Variants in PVT1 observed in about 807,000 individuals in gnomAD.
The protein encoded by PVT1 is Pvt1 oncogene.
intron 2 of PVT1, among the ~76,000 whole-genome samples, chr8:127,843,085 G>A (rs948178446): frequency 1.3e-5 from 2 of 152,236 alleles, no homozygotes; most frequent in Non-Finnish European, 2.9e-5. Flanking sequence ...GCTGGGCACG[G>A]TGGCTCGTGC....
chr8:127,890,180 T>TGACC (rs1237071146), intron 2 of PVT1, among the ~76,000 whole-genome samples: 2 of 152,222 alleles, frequency 1.3e-5, no homozygotes, highest in African/African-American at 4.8e-5. Flanking sequence ...TCCTACCAGC[T>TGACC]GACCCTAAAC....
At position 128,077,392 on chromosome 8, in the gene PVT1, C is replaced by T. The variant is rs528546274; in HGVS notation, n.1114+7031C>T. Among the ~76,000 whole-genome samples, 3 of 152,316 alleles carry T rather than the reference C, an allele frequency of 2.0e-5. No homozygotes were observed. The East Asian group carries it at 5.8e-4, about 29-fold the overall frequency. ...TAGGTGACTAACCCTCTCCTAGCAT[C>T]TGCTTCCTAACCTGCTTGGGCTTCA... On this transcript the variant is annotated intron_variant and non_coding_transcript_variant, in intron 5 of 10. Coordinates refer to ENST00000651587, the Ensembl canonical transcript of PVT1.
intron 4 of PVT1, among the ~76,000 whole-genome samples, chr8:128,042,608 C>A (rs1813558450): frequency 2.0e-5 from 3 of 152,068 alleles, no homozygotes; most frequent in Admixed American, 2.0e-4. Flanking sequence ...GAGGAAGGGA[C>A]ACAGGTCTTT....
intron 3 of PVT1, among the ~76,000 whole-genome samples, chr8:127,940,915 C>G (rs1402571632): frequency 6.6e-6 from 1 of 152,216 alleles, no homozygotes; most frequent in East Asian, 1.9e-4. Context: ...GTCCAGTTAT[C>G]TAGGGCAGAG....
At chr8:127,897,385 C>T (rs1243944757) in intron 3 of PVT1, among the ~76,000 whole-genome samples, 4 of 151,974 alleles carry the variant, frequency 2.6e-5, no homozygotes, top group African/African-American at 7.3e-5. Context: ...AAATGATTCT[C>T]AGCTGTCCAT....
At position 128,053,412 on chromosome 8, in the gene PVT1, T is replaced by A. The variant is rs577005282; in HGVS notation, n.913-16748T>A. Among the ~76,000 whole-genome samples, 11 of 149,522 alleles carry A rather than the reference T, an allele frequency of 7.4e-5. No homozygotes were observed. In the East Asian group the frequency reaches 1.9e-3, roughly 26 times the overall value. ...ACATATATATGTATTTTATATATAT[T>A]GTATATATAATACCTATATATGTGT... On this transcript the variant is annotated intron_variant and non_coding_transcript_variant, in intron 4 of 10. Coordinates refer to ENST00000651587, the Ensembl canonical transcript of PVT1.
intron 3 of PVT1, among the ~76,000 whole-genome samples, chr8:127,901,334 G>A (rs1284214176): frequency 1.3e-5 from 2 of 152,136 alleles, no homozygotes; most frequent in Non-Finnish European, 1.5e-5. Flanking sequence ...AGAGGGGTGG[G>A]GGACCCAGAG....
At chr8:127,930,261 A>T (rs1323158875) in intron 3 of PVT1, among the ~76,000 whole-genome samples, 1 of 152,136 alleles carries the variant, frequency 6.6e-6, no homozygotes, top group Non-Finnish European at 1.5e-5. Flanking sequence ...AGTTCAAGCG[A>T]TTCTTGTGCC....
chr8:127,866,296 G>A (rs1586413175), intron 2 of PVT1, among the ~76,000 whole-genome samples: 1 of 152,164 alleles, frequency 6.6e-6, no homozygotes, highest in African/African-American at 2.4e-5. Flanking sequence ...CTCGTGAGCT[G>A]TCTGTGTAGG....
chr8:127,960,946 G>C lies in PVT1; in HGVS notation n.783-28216G>C, dbSNP rs1194398019. ...CTCTTGTGTGTGTGTTTGGGGGTGG[G>C]GGGGGCGGGCGGGCACGAATAGGGG... On this transcript the variant is annotated intron_variant and non_coding_transcript_variant, in intron 3 of 10. Coordinates refer to ENST00000651587, the Ensembl canonical transcript of PVT1. 1.6e-3 allele frequency among the ~76,000 whole-genome samples: 213 copies of C among 136,074 alleles called. 1 individual carries two copies. The highest frequency in any genetic ancestry group is 2.8e-3 in the African/African-American group (104 of 37,472). The allele number at this position is 136,074 out of a possible 152,430, so 89.3% of individuals were successfully genotyped here.
At chr8:128,050,741 A>G (rs1281747895) in intron 4 of PVT1, among the ~76,000 whole-genome samples, 1 of 152,174 alleles carries the variant, frequency 6.6e-6, no homozygotes, top group African/African-American at 2.4e-5. Flanking sequence ...TTCTTGTGAG[A>G]AGAACCTGTC....
intron 2 of PVT1, among the ~76,000 whole-genome samples, chr8:127,860,696 T>G (rs111503484): frequency 0.015 from 2,008 of 138,166 alleles, 51 homozygotes; most frequent in African/African-American, 0.052. Flanking sequence ...ACCCAGGAGG[T>G]GGAGGTTGTA....
intron 4 of PVT1, among the ~76,000 whole-genome samples, chr8:128,068,621 G>A (rs1171054661): frequency 6.7e-6 from 1 of 149,226 alleles, no homozygotes; most frequent in Non-Finnish European, 1.5e-5. Flanking sequence ...CTCAGCCCCT[G>A]AGAAGCTGGG....
chr8:128,008,943 G>A (rs1817280526), intron 4 of PVT1: 2 of 521,822 alleles, frequency 3.8e-6, no homozygotes, highest in African/African-American at 1.9e-5. Context: ...GTTTTTGCAA[G>A]CTAGTGAACG....
chr8:127,842,802 G>A (rs529852015), intron 2 of PVT1, among the ~76,000 whole-genome samples: 13 of 152,292 alleles, frequency 8.5e-5, no homozygotes, highest in African/African-American at 2.9e-4. Context: ...TGAGTGAGAT[G>A]GGTCACCAAG....
chr8:128,070,911 T>C (rs925375506), intron 5 of PVT1, among the ~76,000 whole-genome samples: 1 of 152,242 alleles, frequency 6.6e-6, no homozygotes, highest in Admixed American at 6.5e-5. Flanking sequence ...GACCAGTGGC[T>C]GATCAGTAAC....
intron 4 of PVT1, among the ~76,000 whole-genome samples, chr8:128,011,352 G>A (rs896721457): frequency 3.1e-4 from 47 of 152,064 alleles, no homozygotes; most frequent in African/African-American, 1.1e-3. Flanking sequence ...TTAAGAAGTG[G>A]ACCTTTGGGA....
At chr8:127,850,640 G>A (rs563826193) in intron 2 of PVT1, among the ~76,000 whole-genome samples, 217 of 152,340 alleles carry the variant, frequency 1.4e-3, no homozygotes, top group African/African-American at 5.0e-3. Context: ...TAAGATTGAT[G>A]TGAATTTTAT....
At chr8:128,094,277 T>C (rs1012311033) in intron 5 of PVT1, among the ~76,000 whole-genome samples, 2 of 152,368 alleles carry the variant, frequency 1.3e-5, no homozygotes, top group South Asian at 2.1e-4. Flanking sequence ...CATTTTTAAA[T>C]GTAAATGTAA....
Sources: gnomAD v4.1 joint callset for allele counts (sites outside exome capture counted in the v4.1 genomes callset) on GRCh38, gnomAD v4.1.1 for gene constraint, MANE v1.5 for transcripts, NCBI Gene and HGNC (gene_info 2026-07-23, HGNC 2026-07-21) for gene names.